Variants in LDAH observed in about 807,000 individuals in gnomAD.
LDAH encodes the protein lipid droplet associated hydrolase, also known as lipid droplet-associated hydrolase.
Under a neutral mutation model 29.6 loss-of-function variants are expected in LDAH, and 26 were observed. The ratio of observed to expected loss-of-function variants is 0.88; its 90% CI spans 0.64 to 1.22. LDAH has a LOEUF of 1.22. Ranked by LOEUF, LDAH falls within the 50% of genes most tolerant of loss-of-function variation. The pLI is 0.00. For missense variants in LDAH, 344 were observed against 387.3 expected, an observed-to-expected ratio of 0.89 and a Z score of 0.94; for synonymous variants, 117 against 133.0, an observed-to-expected ratio of 0.88 and a Z score of 0.83.
intron 1 of LDAH, among the ~76,000 whole-genome samples, chr2:20,817,223 T>C (rs771826590): frequency 6.6e-6 from 1 of 151,722 alleles, no homozygotes; most frequent in East Asian, 1.9e-4. Flanking sequence ...ATTAAAAATA[T>C]AAAAATAGAC....
intron 5 of LDAH, among the ~76,000 whole-genome samples, chr2:20,709,914 C>A (rs981925563): frequency 6.6e-6 from 1 of 152,166 alleles, no homozygotes; most frequent in South Asian, 2.1e-4. Context: ...AGATATCAGA[C>A]TTTGTGGGAC....
chr2:20,802,458 T>A (rs935372101), intron 1 of LDAH, among the ~76,000 whole-genome samples: 3 of 152,170 alleles, frequency 2.0e-5, no homozygotes, highest in Non-Finnish European at 4.4e-5. Flanking sequence ...ATTTCCTGAG[T>A]AATTAGTTAT....
chr2:20,752,280 C>T (rs1289482891), intron 4 of LDAH, among the ~76,000 whole-genome samples: 34 of 151,950 alleles, frequency 2.2e-4, no homozygotes, highest in Admixed American at 2.2e-3. Flanking sequence ...CCACTGAAAG[C>T]ATAGAGATAA....
At chr2:20,711,017 A>T (rs1664717186) in intron 5 of LDAH, among the ~76,000 whole-genome samples, 1 of 152,114 alleles carries the variant, frequency 6.6e-6, no homozygotes, top group African/African-American at 2.4e-5. Flanking sequence ...GCAGAAAGGA[A>T]GTCAGAGATT....
At chr2:20,701,079 A>C (rs777378574) in intron 6 of LDAH, among the ~76,000 whole-genome samples, 1 of 152,188 alleles carries the variant, frequency 6.6e-6, no homozygotes, top group Non-Finnish European at 1.5e-5. Context: ...GTGTGTGTGC[A>C]AGATTCTAGT....
intron 5 of LDAH, among the ~76,000 whole-genome samples, chr2:20,720,966 C>G (rs1309441753): frequency 1.3e-5 from 2 of 152,010 alleles, no homozygotes; most frequent in Admixed American, 1.3e-4. Context: ...CTATCTTTTA[C>G]CATATACAAA....
chr2:20,801,525 G>T, intron 1 of LDAH, 60 bp from the exon 2 acceptor site: 1 of 1,459,462 alleles, frequency 6.9e-7, no homozygotes. Context: ...TTGAGCCAAA[G>T]ACAAAATTCA....
intron 1 of LDAH, among the ~76,000 whole-genome samples, chr2:20,813,221 T>C (rs138469268): frequency 1.8e-3 from 280 of 152,306 alleles, no homozygotes; most frequent in African/African-American, 6.4e-3. Context: ...ACCATCCATA[T>C]CTCTCCCAAA....
In LDAH at chr2:20,751,182, T is replaced by C. The variant is rs552740792; in HGVS notation, c.469-10977A>G. ...TTTTAAAAGCAGTCTGATTTTGAAA[T>C]AATTCTATAATATTCTCAATTAAGT... On this transcript the variant is annotated intron_variant, in intron 4 of 6. Transcript: ENST00000237822. Among the ~76,000 whole-genome samples the C allele has an allele frequency of 1.0e-3, 152 of 152,322 alleles. 1 individual carries two copies. The highest frequency in any genetic ancestry group is 3.5e-3 in the African/African-American group (145 of 41,568).
chr2:20,695,454 C>CT lies in LDAH; in HGVS notation c.786+6115dup, dbSNP rs558163112. ...GCTTAGTGCATTCCAGACACTCTTT[C>CT]TTTTTTTTTTTTTTTTGAGACGGAG... is the stretch of plus-strand genomic sequence containing the variant. On this transcript the variant is annotated intron_variant, in intron 6 of 6. Transcript: ENST00000237822. 8.4e-3 allele frequency among the ~76,000 whole-genome samples: 1,052 copies of CT among 124,650 alleles called. 6 individuals carry two copies. The highest frequency in any genetic ancestry group is 0.011 in the Non-Finnish European group (607 of 55,864). The allele number at this position is 124,650 out of a possible 152,430, so 81.8% of individuals were successfully genotyped here. A position where few individuals can be genotyped will look rare whatever the true frequency, so the allele number is the denominator to read the frequency against.
chr2:20,749,444 A>C (rs981097451), intron 4 of LDAH, among the ~76,000 whole-genome samples: 1 of 152,244 alleles, frequency 6.6e-6, no homozygotes, highest in Non-Finnish European at 1.5e-5. Flanking sequence ...ATGCCATTTT[A>C]TACCAGTACT....
chr2:20,819,218 T>C (rs941710976), intron 1 of LDAH, among the ~76,000 whole-genome samples: 3 of 113,308 alleles, frequency 2.6e-5, no homozygotes, highest in Non-Finnish European at 4.7e-5. Flanking sequence ...CACACACAAT[T>C]TTTTTTTAAT....
rs1023623764 is a variant in LDAH at position 20,774,797 on chromosome 2, G to A, written c.468+13C>T. The A allele has an allele frequency of 1.2e-6, 2 of 1,612,088 alleles. No individual in the cohort carries two copies. The highest frequency in any genetic ancestry group is 1.7e-5 in the Admixed American group (1 of 59,976). ...AGTCCAGCACCCACAGTTACCTCTG[G>A]AGACCTACTTACCGGGAGCTCAGGG... On this transcript the variant is annotated intron_variant, in intron 4 of 6. Transcript: ENST00000237822.
chr2:20,684,241 A>C lies in LDAH; in HGVS notation c.*2662T>G, dbSNP rs1662399715. 6.6e-6 allele frequency: 1 copy of C among 152,206 alleles called. No individual in the cohort carries two copies. Among genetic ancestry groups the C allele is most frequent in the Non-Finnish European group, 1.5e-5 (1 of 68,042 alleles). 9.4% of individuals were successfully genotyped at this position (152,206 alleles called of 1,614,324 possible). ...CAACCACTGAAATCAGAAAATTAACAGTGGCATCTTACTCCCAGCTAATCT... is the reference window on the plus strand; with the variant it reads ...CAACCACTGAAATCAGAAAATTAACCGTGGCATCTTACTCCCAGCTAATCT... On this transcript the variant is annotated 3_prime_UTR_variant, in exon 7 of 7. Coordinates refer to ENST00000237822, the MANE Select transcript of LDAH (RefSeq NM_021925.4).
At chr2:20,820,825 G>A (rs1366959996) in intron 1 of LDAH, among the ~76,000 whole-genome samples, 2 of 139,736 alleles carry the variant, frequency 1.4e-5, no homozygotes, top group East Asian at 4.0e-4. Flanking sequence ...AGAGTGAACA[G>A]GCAACCTACA....
intron 2 of LDAH, among the ~76,000 whole-genome samples, chr2:20,795,749 TCA>T (rs1389421646): frequency 6.6e-6 from 1 of 151,862 alleles, no homozygotes; most frequent in Non-Finnish European, 1.5e-5. Context: ...AAAAGAAAAC[TCA>T]CAATTATCAT....
chr2:20,760,026 C>T (rs975915292), intron 4 of LDAH, among the ~76,000 whole-genome samples: 1 of 152,210 alleles, frequency 6.6e-6, no homozygotes, highest in Non-Finnish European at 1.5e-5. Flanking sequence ...TGAATCCCAA[C>T]CTGTGATTTT....
In LDAH at chr2:20,764,496, T is replaced by C. The variant is rs114382291; in HGVS notation, c.468+10314A>G. 4.5e-3 allele frequency among the ~76,000 whole-genome samples: 678 copies of C among 152,308 alleles called. 7 individuals are homozygous for C. The highest frequency in any genetic ancestry group is 0.015 in the African/African-American group (641 of 41,558). ...TTCTAGGACTCTGATTTACTATCTT[T>C]TCAGTTTAATTTCTGCCCTTGGCCC... On this transcript the variant is annotated intron_variant, in intron 4 of 6. Coordinates refer to ENST00000237822, the MANE Select transcript of LDAH (RefSeq NM_021925.4).
chr2:20,717,764 G>T (rs1665328100), intron 5 of LDAH, among the ~76,000 whole-genome samples: 1 of 152,130 alleles, frequency 6.6e-6, no homozygotes, highest in African/African-American at 2.4e-5. Flanking sequence ...TGTGATCAAA[G>T]TTAGGTTGCT....
Sources: gnomAD v4.1 joint callset for allele counts (sites outside exome capture counted in the v4.1 genomes callset) on GRCh38, gnomAD v4.1.1 for gene constraint, MANE v1.5 for transcripts, NCBI Gene and HGNC (gene_info 2026-07-23, HGNC 2026-07-21) for gene names.